Variants in CDH4 observed in about 807,000 individuals in gnomAD.
CDH4 encodes the protein cadherin-4.
Under a neutral mutation model 86.0 loss-of-function variants are expected in CDH4, and 33 were observed. The observed-to-expected ratio is 0.38, with a 90% CI of 0.29 to 0.51. CDH4 has a LOEUF of 0.51. Ranked by LOEUF, CDH4 falls within the 20% of genes least tolerant of loss-of-function variation. The pLI is 0.86. For missense variants in CDH4, 1,114 were observed against 1,307.4 expected (o/e 0.85, Z 2.28); for synonymous variants, 555 against 549.4 (o/e 1.01, Z -0.14).
chr20:61,840,515 G>A (rs541383591), intron 4 of CDH4, among the ~76,000 whole-genome samples: 4 of 152,316 alleles, frequency 2.6e-5, no homozygotes, highest in South Asian at 2.1e-4. Context: ...GAACACTATC[G>A]CGGAGTCCCG....
intron 2 of CDH4, among the ~76,000 whole-genome samples, chr20:61,343,166 G>A (rs901389805): frequency 6.6e-5 from 10 of 152,188 alleles, no homozygotes; most frequent in East Asian, 3.9e-4. Context: ...CTGGTGACAC[G>A]CACATTTGCT....
chr20:61,493,727 G>T (rs6089401), intron 2 of CDH4, among the ~76,000 whole-genome samples: 1 of 152,176 alleles, frequency 6.6e-6, no homozygotes, highest in Non-Finnish European at 1.5e-5. Flanking sequence ...TGCCTCCCTA[G>T]CCAGTCTTCT....
rs988659698 is a variant in CDH4 at position 61,275,729 on chromosome 20, A to T, written c.169+20792A>T. Among the ~76,000 whole-genome samples the T allele has an allele frequency of 8.6e-4, 130 of 151,596 alleles. 1 individual carries two copies. The highest frequency in any genetic ancestry group is 3.0e-3 in the African/African-American group (125 of 41,156). On this transcript the variant is annotated intron_variant, in intron 2 of 15. Transcript: ENST00000614565. ...CGCAGTTTGGGGGCGTATCATGTGC[A>T]GTTTGGAGTACTGTGTGCAGTTCGG... is the stretch of plus-strand genomic sequence containing the variant.
intron 2 of CDH4, among the ~76,000 whole-genome samples, chr20:61,258,282 A>G (rs2084109972): frequency 7.4e-6 from 1 of 135,910 alleles, no homozygotes; most frequent in East Asian, 2.4e-4. Flanking sequence ...GTGAGTCGAG[A>G]TCGCGCCACT....
At chr20:61,871,348 C>CT (rs1235103019) in intron 6 of CDH4, among the ~76,000 whole-genome samples, 2 of 152,148 alleles carry the variant, frequency 1.3e-5, no homozygotes, top group Non-Finnish European at 2.9e-5. Flanking sequence ...GAGAAGTCAG[C>CT]TTGAAGTCTT....
intron 2 of CDH4, among the ~76,000 whole-genome samples, chr20:61,349,091 G>C (rs1236794805): frequency 1.3e-5 from 2 of 152,208 alleles, no homozygotes; most frequent in Admixed American, 6.5e-5. Context: ...CCAGGGTTTT[G>C]TGCTTGGAAG....
At chr20:61,930,357 C>T (rs1407963710) in intron 13 of CDH4, among the ~76,000 whole-genome samples, 1 of 152,238 alleles carries the variant, frequency 6.6e-6, no homozygotes, top group African/African-American at 2.4e-5. Context: ...GAGTTTCCCA[C>T]AACCACTGTG....
chr20:61,474,052 G>C (rs1277911888), intron 2 of CDH4, among the ~76,000 whole-genome samples: 1 of 151,418 alleles, frequency 6.6e-6, no homozygotes, highest in African/African-American at 2.4e-5. Flanking sequence ...GATCCAGGCT[G>C]TTCTGCTGAC....
Position 61,288,666 on chromosome 20 carries a change from C to T in CDH4, c.169+33729C>T, listed in dbSNP as rs8124110. ...CTGCTGCAAGGAGAGGGAGCATTAC[C>T]GTCAGAAGCACAACTTTGCTGGGCT... On this transcript the variant is annotated intron_variant, in intron 2 of 15. Transcript: ENST00000614565. Among the ~76,000 whole-genome samples, 557 of 152,312 alleles carry T rather than the reference C, an allele frequency of 3.7e-3. 4 individuals are homozygous for T. The highest frequency in any genetic ancestry group is 0.013 in the African/African-American group (538 of 41,576).
At chr20:61,775,700 G>A (rs897700029) in intron 4 of CDH4, among the ~76,000 whole-genome samples, 2 of 152,166 alleles carry the variant, frequency 1.3e-5, no homozygotes, top group Non-Finnish European at 1.5e-5. Flanking sequence ...CATTATTTGT[G>A]GAGTGAGTGA....
chr20:61,421,809 A>G (rs1175778915), intron 2 of CDH4, among the ~76,000 whole-genome samples: 1 of 152,218 alleles, frequency 6.6e-6, no homozygotes, highest in Non-Finnish European at 1.5e-5. Flanking sequence ...ATGGAGGCCC[A>G]CTGGGTGTGC....
At chr20:61,802,989 G>A (rs185972680) in intron 4 of CDH4, among the ~76,000 whole-genome samples, 141 of 152,374 alleles carry the variant, frequency 9.3e-4, no homozygotes, top group Non-Finnish European at 1.7e-3. Context: ...GGAGGCAGAG[G>A]AGGCGGCGTG....
chr20:61,607,744 C>T (rs1272159816), intron 2 of CDH4, among the ~76,000 whole-genome samples: 1 of 152,208 alleles, frequency 6.6e-6, no homozygotes, highest in Non-Finnish European at 1.5e-5. Context: ...GGTTTAGCTC[C>T]TGCCCAAGTT....
chr20:61,562,620 A>G (rs1280122734), intron 2 of CDH4, among the ~76,000 whole-genome samples: 1 of 152,228 alleles, frequency 6.6e-6, no homozygotes, highest in Non-Finnish European at 1.5e-5. Flanking sequence ...CCAGGCCTGC[A>G]GAGCAGGGAG....
At chr20:61,792,316 G>T (rs569132907) in intron 4 of CDH4, among the ~76,000 whole-genome samples, 1 of 152,138 alleles carries the variant, frequency 6.6e-6, no homozygotes, top group Non-Finnish European at 1.5e-5. Context: ...AGGTGCCCAC[G>T]TGTGGGGTGC....
At position 61,686,081 on chromosome 20, in the gene CDH4, A is replaced by G. The variant is rs117729187; in HGVS notation, c.170-57482A>G. 1.5e-3 allele frequency among the ~76,000 whole-genome samples: 222 copies of G among 152,362 alleles called. 1 individual carries two copies. In the East Asian group the frequency reaches 0.033, roughly 22 times the overall value. On this transcript the variant is annotated intron_variant, in intron 2 of 15. Coordinates refer to ENST00000614565, the MANE Select transcript of CDH4 (RefSeq NM_001794.5). ...ATGGGATTTTTTTTTCTTCCAGTGA[A>G]AATAGACCAGCGGCATCTGTACCGA...
intron 3 of CDH4, among the ~76,000 whole-genome samples, chr20:61,760,319 C>G (rs920484278): frequency 2.0e-5 from 3 of 152,254 alleles, no homozygotes; most frequent in Non-Finnish European, 4.4e-5. Context: ...AAACTTTCCC[C>G]CAGGACAGCC....
chr20:61,258,460 A>G (rs1346796935), intron 2 of CDH4, among the ~76,000 whole-genome samples: 1 of 151,674 alleles, frequency 6.6e-6, no homozygotes, highest in Non-Finnish European at 1.5e-5. Flanking sequence ...GTACCCTCGT[A>G]CCACCCTCTG....
At chr20:61,880,624 C>T (rs895531655) in intron 7 of CDH4, among the ~76,000 whole-genome samples, 1 of 152,196 alleles carries the variant, frequency 6.6e-6, no homozygotes, top group Non-Finnish European at 1.5e-5. Flanking sequence ...GGGCACTGAG[C>T]AGCCCCAAGA....
Sources: allele counts gnomAD v4.1 joint callset (sites outside exome capture counted in the v4.1 genomes callset), GRCh38; gene constraint gnomAD v4.1.1; transcripts MANE v1.5; gene names NCBI Gene and HGNC (gene_info 2026-07-23, HGNC 2026-07-21).